EYA4: variants seen among roughly 807,000 people sequenced by gnomAD.
The protein encoded by EYA4 is protein phosphatase EYA4.
Under a neutral mutation model 87.9 loss-of-function variants are expected in EYA4, and 31 were observed. The ratio of observed to expected loss-of-function variants is 0.35; its 90% CI spans 0.27 to 0.48. The LOEUF (loss-of-function observed/expected upper bound fraction) is 0.48, where lower values mean the gene tolerates loss of function less well. Among genes scored for constraint, EYA4 ranks in the 20% least tolerant of loss-of-function variants. The pLI, the probability that EYA4 is intolerant of heterozygous loss-of-function variation, is 0.99. For missense variants in EYA4, 678 were observed against 761.4 expected (o/e 0.89, Z 1.29); for synonymous variants, 263 against 270.6 (o/e 0.97, Z 0.28).
intron 2 of EYA4, among the ~76,000 whole-genome samples, chr6:133,356,378 G>A (rs538759641): frequency 4.6e-5 from 7 of 152,094 alleles, no homozygotes; most frequent in Non-Finnish European, 7.4e-5. Context: ...TAAAATTGGT[G>A]TATTTTACTT....
In EYA4 at chr6:133,462,665, T is replaced by G; in HGVS notation, c.625T>G (p.Ser209Ala). The G allele has an allele frequency of 1.9e-6, 3 of 1,613,974 alleles. No homozygotes were observed. The highest frequency in any genetic ancestry group is 2.5e-6 in the Non-Finnish European group (3 of 1,179,912). The change falls in exon 9 of 20, where the codon TCC becomes GCC. Residue 209 changes from serine to alanine, a missense_variant. Transcript: ENST00000355286. ...AGCCATCAAGACAGAGAGTGGACTT[T>G]CCCAAACTCAGTCCCCATTACAGAG... ...LPAIKTESGL[S>A]QTQSPLQSGC...
intron 12 of EYA4, among the ~76,000 whole-genome samples, chr6:133,482,662 ATTC>A (rs1330518434): frequency 1.3e-5 from 2 of 152,224 alleles, no homozygotes; most frequent in Non-Finnish European, 2.9e-5. Flanking sequence ...TTAAAATCTA[ATTC>A]TTTGCAGAAA....
intron 13 of EYA4, among the ~76,000 whole-genome samples, chr6:133,486,010 A>T (rs1435131245): frequency 6.6e-6 from 1 of 152,248 alleles, no homozygotes; most frequent in African/African-American, 2.4e-5. Flanking sequence ...CTGGCAAATT[A>T]CTTAAATCTT....
chr6:133,445,876 G>A (rs112524102), intron 3 of EYA4, among the ~76,000 whole-genome samples: 2 of 152,236 alleles, frequency 1.3e-5, no homozygotes, highest in Middle Eastern at 3.4e-3. Context: ...CACCGCGCCC[G>A]GCCTCTAGTT....
At chr6:133,368,469 C>T (rs1785023786) in intron 2 of EYA4, among the ~76,000 whole-genome samples, 1 of 152,150 alleles carries the variant, frequency 6.6e-6, no homozygotes, top group South Asian at 2.1e-4. Context: ...TATTGAATGA[C>T]TTACAGTCCC....
At position 133,531,174 on chromosome 6, in the gene EYA4, C is replaced by G; in HGVS notation, c.*2369C>G. The G allele has an allele frequency of 6.5e-7, 1 of 1,535,018 alleles. No individual in the cohort carries two copies. The highest frequency in any genetic ancestry group is 1.2e-5 in the South Asian group (1 of 84,010). On this transcript the variant is annotated 3_prime_UTR_variant, in exon 20 of 20. Transcript: ENST00000355286. ...CTGGTTGCATCACCCCGTGCAGTTT[C>G]TCACACACATCTCTTTTTCTGATTC...
At chr6:133,399,621 A>T (rs1788092594) in intron 3 of EYA4, among the ~76,000 whole-genome samples, 1 of 152,240 alleles carries the variant, frequency 6.6e-6, no homozygotes, top group African/African-American at 2.4e-5. Context: ...GTTATATGGC[A>T]TTGAATTCTG....
chr6:133,374,451 G>C (rs1785513126), intron 2 of EYA4, among the ~76,000 whole-genome samples: 1 of 151,930 alleles, frequency 6.6e-6, no homozygotes, highest in Non-Finnish European at 1.5e-5. Context: ...TTTGCCTTCA[G>C]GTTTTTGGTG....
Position 133,353,921 on chromosome 6 carries a change from T to A in EYA4, c.34-28471T>A, listed in dbSNP as rs182345974. On this transcript the variant is annotated intron_variant, in intron 2 of 19. Transcript: ENST00000355286. ...GTGAAAACCCATTTCTGACATTAAATATTCTAATTTTCAAAAAGTTGTTTG... is the reference window on the plus strand; with the variant it reads ...GTGAAAACCCATTTCTGACATTAAAAATTCTAATTTTCAAAAAGTTGTTTG... Among the ~76,000 whole-genome samples, 2 of 152,292 alleles carry A rather than the reference T, an allele frequency of 1.3e-5. 1 individual carries two copies. Among genetic ancestry groups the A allele is most frequent in the East Asian group, 3.9e-4 (2 of 5,192 alleles).
intron 3 of EYA4, among the ~76,000 whole-genome samples, chr6:133,399,536 A>G (rs1487536968): frequency 1.3e-5 from 2 of 152,246 alleles, no homozygotes; most frequent in Admixed American, 1.3e-4. Context: ...ATATGTTTTC[A>G]GTGAAAATAC....
At chr6:133,378,683 C>T (rs183177913) in intron 2 of EYA4, among the ~76,000 whole-genome samples, 109 of 152,104 alleles carry the variant, frequency 7.2e-4, no homozygotes, top group African/African-American at 2.5e-3. Flanking sequence ...GTGGAAAACA[C>T]TCAAAAATTT....
chr6:133,505,798 A>G (rs535643797), intron 13 of EYA4, among the ~76,000 whole-genome samples: 17 of 152,312 alleles, frequency 1.1e-4, no homozygotes, highest in African/African-American at 4.1e-4. Context: ...TCCATAGATT[A>G]TATGTAAACT....
intron 9 of EYA4, among the ~76,000 whole-genome samples, chr6:133,463,201 A>AT (rs1265458016): frequency 6.6e-6 from 1 of 151,854 alleles, no homozygotes; most frequent in Non-Finnish European, 1.5e-5. Flanking sequence ...CCAGTTGAGG[A>AT]TTTTTTGTTC....
At chr6:133,432,924 T>C (rs1791317353) in intron 3 of EYA4, among the ~76,000 whole-genome samples, 1 of 152,084 alleles carries the variant, frequency 6.6e-6, no homozygotes, top group Non-Finnish European at 1.5e-5. Flanking sequence ...GTTAGCCCTG[T>C]AAACCCGAGA....
chr6:133,247,354 T>C (rs1774493094), intron 1 of EYA4: 1 of 152,250 alleles, frequency 6.6e-6, no homozygotes, highest in Non-Finnish European at 1.5e-5. Context: ...TCAAGCCTTA[T>C]CCAAATTGGT....
chr6:133,510,450 C>A, intron 14 of EYA4: 2 of 352,478 alleles, frequency 5.7e-6, no homozygotes, highest in Non-Finnish European at 1.1e-5. Flanking sequence ...TCATTTAGAA[C>A]TACTTTGGTG....
At chr6:133,517,925 T>C (rs895257517) in intron 17 of EYA4, among the ~76,000 whole-genome samples, 7 of 152,288 alleles carry the variant, frequency 4.6e-5, no homozygotes, top group African/African-American at 1.7e-4. Context: ...GATTTCTCCC[T>C]GTGTCTGGAA....
At chr6:133,363,861 G>T (rs900541302) in intron 2 of EYA4, among the ~76,000 whole-genome samples, 3 of 152,212 alleles carry the variant, frequency 2.0e-5, no homozygotes, top group African/African-American at 7.2e-5. Flanking sequence ...AACAGGCCTG[G>T]GTTGTCAAAT....
At chr6:133,290,952 A>C (rs1051291705) in intron 2 of EYA4, among the ~76,000 whole-genome samples, 6 of 152,174 alleles carry the variant, frequency 3.9e-5, no homozygotes, top group African/African-American at 1.2e-4. Flanking sequence ...AAGATTAATG[A>C]AATAATTGCT....
Sources: allele counts gnomAD v4.1 joint callset (sites outside exome capture counted in the v4.1 genomes callset), GRCh38; gene constraint gnomAD v4.1.1; transcripts MANE v1.5; gene names NCBI Gene and HGNC (gene_info 2026-07-23, HGNC 2026-07-21).